DRC11: variants seen among roughly 807,000 people sequenced by gnomAD.
DRC11 encodes IQ and AAA domain-containing protein 1.
At chr2:236,437,075 A>G in the DRC11 span, among the ~76,000 whole-genome samples, 16 of 139,728 alleles carry the variant, frequency 1.1e-4, no homozygotes, top group African/African-American at 1.6e-4. Flanking sequence ...ATATCTCCCA[A>G]TGCTATCCCT....
the DRC11 span, among the ~76,000 whole-genome samples, chr2:236,319,337 C>T: frequency 6.6e-6 from 1 of 152,196 alleles, no homozygotes; most frequent in Non-Finnish European, 1.5e-5. The surrounding 1 kb of genome is among the most constrained non-coding windows in gnomAD (Gnocchi z 6.7). Context: ...AATGCACGTC[C>T]AGGGAGAACG....
the DRC11 span, among the ~76,000 whole-genome samples, chr2:236,322,378 G>A: frequency 6.6e-6 from 1 of 151,612 alleles, no homozygotes; most frequent in Non-Finnish European, 1.5e-5. Flanking sequence ...GGGACTACAG[G>A]TGCCCGCCAC....
At chr2:236,314,146 A>T in the DRC11 span, among the ~76,000 whole-genome samples, 7 of 152,230 alleles carry the variant, frequency 4.6e-5, no homozygotes, top group Admixed American at 4.6e-4. This position sits in a 1 kb window ranked among gnomAD's most constrained non-coding sequence, Gnocchi z 4.5. Context: ...AAATGTTACC[A>T]TTGGGGGAGA....
chr2:236,337,287 C>A, the DRC11 span, among the ~76,000 whole-genome samples: 1 of 152,174 alleles, frequency 6.6e-6, no homozygotes, highest in Admixed American at 6.5e-5. The surrounding 1 kb of genome is among the most constrained non-coding windows in gnomAD (Gnocchi z 4.9). Context: ...TTTCACACAG[C>A]ACTAGATAGC....
the DRC11 span, among the ~76,000 whole-genome samples, chr2:236,418,092 T>C: frequency 1.3e-3 from 201 of 152,340 alleles, no homozygotes; most frequent in South Asian, 2.9e-3. Flanking sequence ...TATATACCAG[T>C]AATGGGATTG....
chr2:236,363,917 C>T, the DRC11 span: 1 of 1,614,014 alleles, frequency 6.2e-7, no homozygotes, highest in Non-Finnish European at 8.5e-7. This position sits in a 1 kb window ranked among gnomAD's most constrained non-coding sequence, Gnocchi z 5.6. Flanking sequence ...TTCCCTACCC[C>T]AGACGGCCCG....
the DRC11 span, among the ~76,000 whole-genome samples, chr2:236,336,301 G>A: frequency 6.6e-6 from 1 of 152,116 alleles, no homozygotes; most frequent in Non-Finnish European, 1.5e-5. The surrounding 1 kb of genome is among the most constrained non-coding windows in gnomAD (Gnocchi z 7.3). Flanking sequence ...AGCAACTTAC[G>A]AACAGCCAGA....
chr2:236,405,197 G>C, the DRC11 span, among the ~76,000 whole-genome samples: 1 of 152,104 alleles, frequency 6.6e-6, no homozygotes, highest in Non-Finnish European at 1.5e-5. The surrounding 1 kb of genome is among the most constrained non-coding windows in gnomAD (Gnocchi z 4.6). Context: ...TTCTGGAGGG[G>C]AGTGTTTATT....
chr2:236,409,726 TA>T, the DRC11 span, among the ~76,000 whole-genome samples: 1 of 151,968 alleles, frequency 6.6e-6, no homozygotes, highest in African/African-American at 2.4e-5. Context: ...GCCCATTCAG[TA>T]TGATATTGGC....
At chr2:236,459,613 A>T in the DRC11 span, among the ~76,000 whole-genome samples, 40 of 140,442 alleles carry the variant, frequency 2.8e-4, 1 homozygote, top group African/African-American at 1.1e-3. Context: ...ATATACGTAT[A>T]TAAGTATATA....
At chr2:236,485,337 C>A in the DRC11 span, among the ~76,000 whole-genome samples, 52 of 151,884 alleles carry the variant, frequency 3.4e-4, no homozygotes. Flanking sequence ...GTATTTTCTT[C>A]TTTTCTTGAT....
the DRC11 span, among the ~76,000 whole-genome samples, chr2:236,347,527 T>TATATATATATATATATATATATAG: frequency 6.9e-6 from 1 of 145,224 alleles, no homozygotes; most frequent in Non-Finnish European, 1.5e-5. Flanking sequence ...TATATATATA[T>TATATATATATATATATATATATAG]GATGGAATAC....
At chr2:236,344,623 G>A in the DRC11 span, 115 of 1,613,668 alleles carry the variant, frequency 7.1e-5, no homozygotes, top group East Asian at 6.5e-4. Flanking sequence ...ACACCACGGA[G>A]GGCTGGAGCT....
chr2:236,419,244 C>G, the DRC11 span: 1 of 1,541,224 alleles, frequency 6.5e-7, no homozygotes, highest in Non-Finnish European at 8.7e-7. The surrounding 1 kb of genome is among the most constrained non-coding windows in gnomAD (Gnocchi z 4.8). Flanking sequence ...TCTTCTTCCT[C>G]TTGGTTTGCT....
At chr2:236,338,413 T>C in the DRC11 span, 3 of 1,568,102 alleles carry the variant, frequency 1.9e-6, no homozygotes, top group Non-Finnish European at 1.7e-6. Context: ...TTGGTCCACA[T>C]ATAGAAAAAA....
the DRC11 span, among the ~76,000 whole-genome samples, chr2:236,471,893 TG>T: frequency 6.6e-6 from 1 of 152,302 alleles, no homozygotes; most frequent in Non-Finnish European, 1.5e-5. The surrounding 1 kb of genome is among the most constrained non-coding windows in gnomAD (Gnocchi z 4.6). Flanking sequence ...ACAGATGTCC[TG>T]CCCTAGAATG....
the DRC11 span, among the ~76,000 whole-genome samples, chr2:236,320,075 A>T: frequency 1.3e-5 from 2 of 152,214 alleles, no homozygotes; most frequent in African/African-American, 4.8e-5. Flanking sequence ...CCAAAAAACC[A>T]CTGCTATGCT....
the DRC11 span, among the ~76,000 whole-genome samples, chr2:236,365,313 C>T: frequency 6.6e-6 from 1 of 152,088 alleles, no homozygotes; most frequent in East Asian, 1.9e-4. The surrounding 1 kb of genome is among the most constrained non-coding windows in gnomAD (Gnocchi z 7.4). Flanking sequence ...AGAAACTGCT[C>T]CCCGCGGAGG....
At chr2:236,343,664 T>C in the DRC11 span, 1 of 1,238,154 alleles carries the variant, frequency 8.1e-7, no homozygotes, top group African/African-American at 1.5e-5. This position sits in a 1 kb window ranked among gnomAD's most constrained non-coding sequence, Gnocchi z 6.6. Context: ...TGGGACCTGG[T>C]GGAGAACCCG....
Sources: gnomAD v4.1 joint callset for allele counts (sites outside exome capture counted in the v4.1 genomes callset) on GRCh38, gnomAD v4.1.1 for gene constraint, Gnocchi (gnomAD v3.1) non-coding constraint, MANE v1.5 for transcripts, NCBI Gene and HGNC (gene_info 2026-07-23, HGNC 2026-07-21) for gene names.